Variants in ARHGAP24 observed in about 807,000 individuals in gnomAD.
The protein encoded by ARHGAP24 is rho GTPase-activating protein 24.
ARHGAP24 carries 50 observed loss-of-function variants against 76.4 expected under a neutral mutation model. The ratio of observed to expected loss-of-function variants is 0.65; its 90% CI spans 0.52 to 0.83. ARHGAP24 has a LOEUF of 0.83. Ranked by LOEUF, ARHGAP24 falls within the 40% of genes least tolerant of loss-of-function variation. ARHGAP24 has a pLI of 0.00. For missense variants in ARHGAP24, 930 were observed against 914.2 expected (o/e 1.02, Z -0.22); for synonymous variants, 345 against 323.3 (o/e 1.07, Z -0.72).
intron 1 of ARHGAP24, among the ~76,000 whole-genome samples, chr4:85,508,492 C>T (rs917870900): frequency 8.5e-5 from 13 of 152,086 alleles, no homozygotes; most frequent in African/African-American, 2.7e-4. Context: ...AAGCATTTGA[C>T]CTAAGGCAAA....
chr4:85,487,188 TA>T (rs1324394148), intron 1 of ARHGAP24, among the ~76,000 whole-genome samples: 6 of 137,010 alleles, frequency 4.4e-5, no homozygotes, highest in Non-Finnish European at 6.2e-5. Flanking sequence ...TTTATATATA[TA>T]AAAATATATA....
chr4:85,772,320 G>A (rs927795128), intron 3 of ARHGAP24, among the ~76,000 whole-genome samples: 1 of 152,150 alleles, frequency 6.6e-6, no homozygotes, highest in African/African-American at 2.4e-5. Flanking sequence ...CTTACTCTCA[G>A]AAAGTCAAGA....
intron 2 of ARHGAP24, among the ~76,000 whole-genome samples, chr4:85,578,904 C>T (rs1449112348): frequency 1.3e-5 from 2 of 152,084 alleles, no homozygotes; most frequent in Non-Finnish European, 2.9e-5. Context: ...AGGTGCTTTT[C>T]GTTGGTCATG....
intron 8 of ARHGAP24, among the ~76,000 whole-genome samples, chr4:85,978,496 C>A (rs1230183371): frequency 6.6e-6 from 1 of 152,034 alleles, no homozygotes; most frequent in Non-Finnish European, 1.5e-5. Context: ...AGTTTGATTT[C>A]CTTTGTTAAA....
chr4:85,795,534 T>G (rs1728308477), intron 3 of ARHGAP24, among the ~76,000 whole-genome samples: 1 of 152,224 alleles, frequency 6.6e-6, no homozygotes, highest in African/African-American at 2.4e-5. Flanking sequence ...TATTAAATAC[T>G]CATATCCAAA....
intron 2 of ARHGAP24, among the ~76,000 whole-genome samples, chr4:85,675,090 G>A (rs1252567954): frequency 6.6e-6 from 1 of 152,116 alleles, no homozygotes; most frequent in Non-Finnish European, 1.5e-5. Context: ...CCTCTGGTGA[G>A]GAAAAAACAA....
intron 2 of ARHGAP24, among the ~76,000 whole-genome samples, chr4:85,581,970 T>A (rs1440681335): frequency 6.6e-6 from 1 of 152,104 alleles, no homozygotes; most frequent in Non-Finnish European, 1.5e-5. Flanking sequence ...GCTGATGGCT[T>A]CAGAGTTGTT....
chr4:85,709,809 G>A (rs1379359611), intron 2 of ARHGAP24, among the ~76,000 whole-genome samples: 3 of 151,926 alleles, frequency 2.0e-5, no homozygotes, highest in Non-Finnish European at 4.4e-5. Context: ...ACCTAGCCAG[G>A]GAAGTGAAAG....
chr4:85,838,216 T>A (rs1578280313), intron 3 of ARHGAP24, among the ~76,000 whole-genome samples: 1 of 152,218 alleles, frequency 6.6e-6, no homozygotes, highest in Non-Finnish European at 1.5e-5. Flanking sequence ...AGGGTCAGAA[T>A]TCAAATCTGA....
chr4:85,733,081 T>TTTTTTTTTTTTA (rs70948746), intron 3 of ARHGAP24, among the ~76,000 whole-genome samples: 1 of 136,790 alleles, frequency 7.3e-6, no homozygotes, highest in African/African-American at 2.8e-5. Flanking sequence ...TTTTTTTTTT[T>TTTTTTTTTTTTA]GAGATGGAGT....
intron 1 of ARHGAP24, among the ~76,000 whole-genome samples, chr4:85,552,147 A>T (rs552072597): frequency 3.5e-4 from 53 of 152,174 alleles, no homozygotes; most frequent in Middle Eastern, 6.8e-3. Flanking sequence ...AGACTTTTCC[A>T]TGTGGGCATT....
chr4:85,735,453 C>T (rs924712395), intron 3 of ARHGAP24, among the ~76,000 whole-genome samples: 1 of 152,076 alleles, frequency 6.6e-6, no homozygotes, highest in Non-Finnish European at 1.5e-5. Context: ...TTTTCTTTAT[C>T]CATTGATTAC....
chr4:85,729,718 G>A (rs1485186423), intron 3 of ARHGAP24, among the ~76,000 whole-genome samples: 12 of 152,188 alleles, frequency 7.9e-5, no homozygotes, highest in South Asian at 2.1e-4. Context: ...TGCCATGGTA[G>A]CGAAAACAAA....
At chr4:85,683,125 G>GGGGGGGGGGGT (rs1553922590) in intron 2 of ARHGAP24, among the ~76,000 whole-genome samples, 3 of 107,652 alleles carry the variant, frequency 2.8e-5, no homozygotes, top group African/African-American at 6.9e-5. Context: ...GGTGGGGGGG[G>GGGGGGGGGGGT]GGTGCGGGGG....
intron 3 of ARHGAP24, among the ~76,000 whole-genome samples, chr4:85,830,455 A>G (rs1212888168): frequency 1.3e-5 from 2 of 152,128 alleles, no homozygotes; most frequent in Non-Finnish European, 2.9e-5. Flanking sequence ...TTGGGAACCT[A>G]CCTCAACAAT....
At chr4:85,586,995 A>G (rs1727888653) in intron 2 of ARHGAP24, among the ~76,000 whole-genome samples, 1 of 152,198 alleles carries the variant, frequency 6.6e-6, no homozygotes, top group Non-Finnish European at 1.5e-5. Context: ...TTTCAAAGCC[A>G]GGTCTTCTGC....
intron 1 of ARHGAP24, among the ~76,000 whole-genome samples, chr4:85,516,812 A>G (rs1316356526): frequency 6.6e-6 from 1 of 152,060 alleles, no homozygotes; most frequent in Admixed American, 6.5e-5. Context: ...ATGGTATGTA[A>G]TTGATTGGTC....
rs142485516 is a variant in ARHGAP24, at chr4:85,564,021, T to C, written c.-20-6501T>C. Reference sequence around the variant, plus strand: ...AATCTATCACTCCACTGATTGACTTTAATAATAGCACAATCAGGTTTTTTA... The same window carrying C: ...AATCTATCACTCCACTGATTGACTTCAATAATAGCACAATCAGGTTTTTTA... On this transcript the variant is annotated intron_variant, in intron 1 of 9. Transcript: ENST00000395184. 3.3e-5 allele frequency among the ~76,000 whole-genome samples: 5 copies of C among 152,296 alleles called. No individual in the cohort carries two copies. In the East Asian group the frequency reaches 9.6e-4, roughly 29 times the overall value.
At position 85,516,438 on chromosome 4, in the gene ARHGAP24, G is replaced by T. The variant is rs567179344; in HGVS notation, c.-21+40879G>T. ...TATCAATTAACCTACAGTAAAATTGGTTTTAGTATATGTTGTTTCACTTAA... is the reference window on the plus strand; with the variant it reads ...TATCAATTAACCTACAGTAAAATTGTTTTTAGTATATGTTGTTTCACTTAA... On this transcript the variant is annotated intron_variant, in intron 1 of 9. Coordinates refer to ENST00000395184, the MANE Select transcript of ARHGAP24 (RefSeq NM_001025616.3). Among the ~76,000 whole-genome samples, 3 of 152,216 alleles carry T rather than the reference G, an allele frequency of 2.0e-5. No individual in the cohort carries two copies. In the South Asian group the frequency reaches 6.2e-4, roughly 32 times the overall value.
Sources: gnomAD v4.1 joint callset for allele counts (sites outside exome capture counted in the v4.1 genomes callset) on GRCh38, gnomAD v4.1.1 for gene constraint, MANE v1.5 for transcripts, NCBI Gene and HGNC (gene_info 2026-07-23, HGNC 2026-07-21) for gene names.